The following ZNF780A variants were observed in gnomAD, a reference collection of about 807,000 sequenced individuals.
The protein encoded by ZNF780A is zinc finger protein 780A.
ZNF780A carries 40 observed loss-of-function variants against 56.7 expected under a neutral mutation model. The ratio of observed to expected loss-of-function variants is 0.71; its 90% CI spans 0.55 to 0.92. ZNF780A has a LOEUF of 0.92. Ranked by LOEUF, ZNF780A falls within the 40% of genes least tolerant of loss-of-function variation. ZNF780A has a pLI of 0.00. For synonymous variants in ZNF780A, 231 were observed against 248.3 expected (o/e 0.93, Z 0.66); for missense variants, 672 against 783.3 (o/e 0.86, Z 1.70).
At chr19:40,090,838 G>A (rs1475849547) in intron 1 of ZNF780A, 68 bp downstream of exon 1, 1 of 152,440 alleles carries the variant, frequency 6.6e-6, no homozygotes, top group Non-Finnish European at 1.5e-5. Context: ...GGGTCAGTCA[G>A]GCTGGAGCCC....
intron 2 of ZNF780A, chr19:40,085,027 G>A: frequency 1.4e-6 from 1 of 693,530 alleles, no homozygotes. Context: ...GGAACCTGCG[G>A]CAGAAGCATG....
intron 5 of ZNF780A, among the ~76,000 whole-genome samples, chr19:40,081,101 T>C (rs897086087): frequency 1.3e-5 from 2 of 151,816 alleles, no homozygotes; most frequent in African/African-American, 4.8e-5. Flanking sequence ...GGGACTATAT[T>C]AAACTAAACG....
intron 5 of ZNF780A, among the ~76,000 whole-genome samples, chr19:40,079,341 A>C (rs931072991): frequency 2.0e-5 from 3 of 152,182 alleles, no homozygotes; most frequent in Non-Finnish European, 4.4e-5. Context: ...CAGATATATA[A>C]GGTGAATATT....
intron 4 of ZNF780A, among the ~76,000 whole-genome samples, chr19:40,082,569 G>A (rs567940402): frequency 7.9e-5 from 12 of 152,196 alleles, no homozygotes; most frequent in East Asian, 7.7e-4. Context: ...ATCAGTATAC[G>A]TAAATAACAG....
chr19:40,080,194 G>A (rs2144936950), intron 5 of ZNF780A, among the ~76,000 whole-genome samples: 1 of 152,202 alleles, frequency 6.6e-6, no homozygotes, highest in African/African-American at 2.4e-5. Flanking sequence ...CAGGACTGAT[G>A]GCTTCACTGC....
Position 40,073,524 on chromosome 19 carries a change from G to A in ZNF780A, c.*992C>T, listed in dbSNP as rs1014152168. On this transcript the variant is annotated 3_prime_UTR_variant, in exon 6 of 6. Coordinates refer to ENST00000683561, the MANE Select transcript of ZNF780A (RefSeq NM_001142578.2). ...TAACTGCAATGCACAATTCAGCGAG[G>A]TATGCCTGTATCTGGTAAATTATTT... 6 of 985,682 alleles carry A rather than the reference G, an allele frequency of 6.1e-6. No homozygotes were observed. The African/African-American group carries it at 1.0e-4, about 17-fold the overall frequency. The allele number at this position is 985,682 out of a possible 1,614,324, so 61.1% of individuals were successfully genotyped here.
At chr19:40,089,274 T>G in intron 2 of ZNF780A, 1 of 1,427,102 alleles carries the variant, frequency 7.0e-7, no homozygotes, top group Non-Finnish European at 9.3e-7. Context: ...AAACTTCATG[T>G]TGCACATGAT....
At chr19:40,080,305 C>G (rs1044664445) in intron 5 of ZNF780A, among the ~76,000 whole-genome samples, 1 of 152,120 alleles carries the variant, frequency 6.6e-6, no homozygotes, top group Admixed American at 6.5e-5. Flanking sequence ...ATGGAGCTGG[C>G]ATACCATGAA....
At chr19:40,088,847 T>C (rs189157209) in intron 2 of ZNF780A, among the ~76,000 whole-genome samples, 15 of 152,314 alleles carry the variant, frequency 9.8e-5, no homozygotes, top group Admixed American at 7.2e-4. Context: ...AGCAGGAAAT[T>C]CTGTCATTTG....
At chr19:40,070,008 G>C (rs921195890), downstream of ZNF780A, 23 of 152,254 alleles carry the variant, frequency 1.5e-4, no homozygotes, top group Middle Eastern at 3.4e-3. Context: ...GTGCTAGGGA[G>C]TGAAGGTCAG....
chr19:40,075,158 A>C lies in ZNF780A; in HGVS notation c.1284T>G (p.Arg428=), dbSNP rs757281246. 6 of 1,613,886 alleles carry C rather than the reference A, an allele frequency of 3.7e-6. No individual in the cohort carries two copies. The Admixed American group carries it at 8.3e-5, about 22-fold the overall frequency. ...TCTGATGCTGAATAAGGTGTGCACC[A>C]CGATTAAAGCCTTTCCCACACTCCT... ...ECKECGKGFN[R]GAHLIQHQKI... Residue 428 remains arginine, a synonymous_variant, in exon 6 of 6, where the codon CGT becomes CGG. Transcript: ENST00000683561.
chr19:40,083,018 C>G, intron 4 of ZNF780A, 93 bp downstream of exon 4: 5 of 1,595,900 alleles, frequency 3.1e-6, no homozygotes, highest in Non-Finnish European at 4.3e-6. Flanking sequence ...AGGAATTCAG[C>G]CACCTCTTAA....
chr19:40,069,953 C>T (rs753604193), downstream of ZNF780A: 6 of 152,042 alleles, frequency 3.9e-5, no homozygotes, highest in Admixed American at 2.6e-4. Context: ...AACGGCTACT[C>T]GTAACTCCTA....
intron 2 of ZNF780A, among the ~76,000 whole-genome samples, chr19:40,086,999 C>T (rs924026826): frequency 9.2e-5 from 14 of 151,946 alleles, no homozygotes; most frequent in Non-Finnish European, 1.3e-4. Context: ...CACCGCGCCC[C>T]GCCCCATGTA....
intron 5 of ZNF780A, among the ~76,000 whole-genome samples, chr19:40,079,067 G>A (rs973136351): frequency 1.3e-5 from 2 of 152,018 alleles, no homozygotes; most frequent in African/African-American, 4.8e-5. Context: ...TTTTTAAAAA[G>A]TGACCCAATT....
At position 40,083,223 on chromosome 19, in the gene ZNF780A, G is replaced by A. The variant is rs1009218897; in HGVS notation, c.24C>T (p.Phe8=). The change falls in exon 4 of 6, where the codon TTC becomes TTT. Residue 8 remains phenylalanine, a synonymous_variant. Transcript: ENST00000683561. ...GAGAGAAGTCAATGGCCACATCCCT[G>A]AATGTCACTGATCCCTGAAACCACA... MVHGSVT[F]RDVAIDFSQE... The A allele has an allele frequency of 6.2e-7, 1 of 1,614,026 alleles. No individual in the cohort carries two copies. Among genetic ancestry groups the A allele is most frequent in the Non-Finnish European group, 8.5e-7 (1 of 1,180,024 alleles).
At chr19:40,076,402 T>C (rs1450037723) in intron 5 of ZNF780A, among the ~76,000 whole-genome samples, 193 bp from the exon 6 acceptor site, 3 of 152,178 alleles carry the variant, frequency 2.0e-5, no homozygotes, top group Non-Finnish European at 4.4e-5. Flanking sequence ...AATGCACATC[T>C]GAGCCAGCCT....
intron 5 of ZNF780A, among the ~76,000 whole-genome samples, chr19:40,079,196 T>C (rs1974334246): frequency 6.6e-6 from 1 of 152,120 alleles, no homozygotes; most frequent in Non-Finnish European, 1.5e-5. Flanking sequence ...GCTATATTTA[T>C]ATCAGACAAA....
Position 40,075,911 on chromosome 19 carries a change from A to G in ZNF780A, c.531T>C (p.Ser177=). 1.2e-6 allele frequency: 2 copies of G among 1,614,060 alleles called. No homozygotes were observed. Among genetic ancestry groups the G allele is most frequent in the Non-Finnish European group, 1.7e-6 (2 of 1,179,958 alleles). Residue 177 remains serine (S), a synonymous_variant, in exon 6 of 6, where the codon AGT becomes AGC. Transcript: ENST00000683561. ...CKECGKYFSR[S]ANLIQHQSIH... ...TACTCTGATGCTGAATAAGATTTGC[A>G]CTACGACTAAAGTATTTCCCACATT...
Sources: allele counts gnomAD v4.1 joint callset (sites outside exome capture counted in the v4.1 genomes callset), GRCh38; gene constraint gnomAD v4.1.1; transcripts MANE v1.5; gene names NCBI Gene and HGNC (gene_info 2026-07-23, HGNC 2026-07-21).